The following MYT1L variants were observed in gnomAD, a reference collection of about 807,000 sequenced individuals.
The protein encoded by MYT1L is myelin transcription factor 1 like.
MYT1L carries 12 observed loss-of-function variants against 126.7 expected under a neutral mutation model. The observed-to-expected ratio is 0.09, with a 90% confidence interval of 0.06 to 0.15. MYT1L has a LOEUF of 0.15. Among genes scored for constraint, MYT1L ranks in the 10% least tolerant of loss-of-function variants. The probability of loss-of-function intolerance (pLI) is 1.00; values close to 1 mark genes in which losing one functional copy is unlikely to be tolerated. For missense variants in MYT1L, 979 were observed against 1,585.2 expected (o/e 0.62, Z 6.49); for synonymous variants, 541 against 604.2 (o/e 0.90, Z 1.53).
rs997770855 is a variant in MYT1L, at chr2:1,840,426, C to T, written c.2858+334G>A. Among the ~76,000 whole-genome samples, 21 of 152,160 alleles carry T rather than the reference C, an allele frequency of 1.4e-4. 1 individual carries two copies. Among genetic ancestry groups the T allele is most frequent in the African/African-American group, 5.1e-4 (21 of 41,440 alleles). On this transcript the variant is annotated intron_variant, in intron 20 of 24. Coordinates refer to ENST00000647738, the MANE Select transcript of MYT1L (RefSeq NM_001303052.2). The stretch of plus-strand genomic sequence containing the variant: ...CTTGTGATGTTGTATTTAGTACCTT[C>T]AGGAGCATTCACCAATCTGCCATTC...
At chr2:2,089,552 T>C (rs1178349683) in intron 3 of MYT1L, among the ~76,000 whole-genome samples, 1 of 152,176 alleles carries the variant, frequency 6.6e-6, no homozygotes, top group Non-Finnish European at 1.5e-5. Context: ...GTCATTTATA[T>C]GGGGTGTGCA....
intron 4 of MYT1L, among the ~76,000 whole-genome samples, chr2:2,049,265 G>A (rs900066112): frequency 8.5e-5 from 13 of 152,288 alleles, no homozygotes; most frequent in African/African-American, 2.9e-4. Flanking sequence ...TAGCAACCTA[G>A]CAGTTCCACA....
At chr2:2,157,043 C>T (rs749159176) in intron 3 of MYT1L, among the ~76,000 whole-genome samples, 4 of 152,118 alleles carry the variant, frequency 2.6e-5, no homozygotes, top group Admixed American at 6.6e-5. Context: ...ACAATGGGTT[C>T]GGCAAAATAA....
At chr2:2,196,409 A>G (rs2092800561) in intron 2 of MYT1L, among the ~76,000 whole-genome samples, 1 of 152,064 alleles carries the variant, frequency 6.6e-6, no homozygotes, top group Non-Finnish European at 1.5e-5. Context: ...TGTAGACATG[A>G]ACAACAAATA....
At chr2:2,311,474 A>G (rs763836737) in intron 1 of MYT1L, among the ~76,000 whole-genome samples, 37 of 152,320 alleles carry the variant, frequency 2.4e-4, no homozygotes, top group Admixed American at 1.4e-3. Context: ...AGATGGGTAT[A>G]TAAGCTGAGA....
Position 1,793,545 on chromosome 2 carries a change from C to T in MYT1L, c.3277-1081G>A, listed in dbSNP as rs2032704933. Among the ~76,000 whole-genome samples, 1 of 152,222 alleles carries T rather than the reference C, an allele frequency of 6.6e-6. No homozygotes were observed. Among genetic ancestry groups the T allele is most frequent in the South Asian group, 2.1e-4 (1 of 4,838 alleles). On this transcript the variant is annotated intron_variant, in intron 23 of 24. Coordinates refer to ENST00000647738, the MANE Select transcript of MYT1L (RefSeq NM_001303052.2). The surrounding 1 kb of genome is among the most constrained non-coding windows in gnomAD (Gnocchi z 4.6). ...TGTCGGCCCTGCCTTCTCCTATGTT[C>T]TGGCCCTCCCTTGGCTGTACTGGGT...
At chr2:1,838,279 A>G (rs2041177688) in intron 21 of MYT1L, among the ~76,000 whole-genome samples, 1 of 152,160 alleles carries the variant, frequency 6.6e-6, no homozygotes, top group South Asian at 2.1e-4. Context: ...TTCTTTAATA[A>G]TTAAAAAAAA....
chr2:1,858,368 C>T (rs867145864), intron 18 of MYT1L, among the ~76,000 whole-genome samples: 1 of 151,994 alleles, frequency 6.6e-6, no homozygotes, highest in East Asian at 1.9e-4. Flanking sequence ...CCTCTGCATC[C>T]GACTGCTCCA....
chr2:2,288,721 A>G (rs2149447481), intron 1 of MYT1L, among the ~76,000 whole-genome samples: 1 of 152,338 alleles, frequency 6.6e-6, no homozygotes, highest in East Asian at 1.9e-4. Context: ...TTATATTTAT[A>G]TTAGACAGTG....
intron 3 of MYT1L, among the ~76,000 whole-genome samples, chr2:2,071,220 G>A (rs1009347823): frequency 1.3e-5 from 2 of 152,162 alleles, no homozygotes; most frequent in Non-Finnish European, 1.5e-5. Context: ...TTAAAGAAAT[G>A]TAGTTCTATT....
chr2:1,793,052 C>A lies in MYT1L; in HGVS notation c.3277-588G>T, dbSNP rs931748818. 2.0e-5 allele frequency among the ~76,000 whole-genome samples: 3 copies of A among 152,004 alleles called. No individual in the cohort carries two copies. Among genetic ancestry groups the A allele is most frequent in the Non-Finnish European group, 4.4e-5 (3 of 68,016 alleles). On this transcript the variant is annotated intron_variant, in intron 23 of 24. Transcript: ENST00000647738. The surrounding 1 kb of genome is among the most constrained non-coding windows in gnomAD (Gnocchi z 4.6). ...ACTGCAGTGTGTAGGGGGCTTGATG[C>A]GAATACTTCTCCTTTCTAGCCTGAA...
At chr2:2,060,559 T>C (rs2070275896) in intron 3 of MYT1L, among the ~76,000 whole-genome samples, 1 of 152,194 alleles carries the variant, frequency 6.6e-6, no homozygotes, top group East Asian at 1.9e-4. Flanking sequence ...AAAGTAGGCA[T>C]AAAATGACAT....
At chr2:2,323,966 C>G (rs2096210799) in intron 1 of MYT1L, 1 of 152,188 alleles carries the variant, frequency 6.6e-6, no homozygotes, top group Non-Finnish European at 1.5e-5. Context: ...TGAATAATGG[C>G]TGCTGTAAGT....
At chr2:2,132,521 C>T (rs1242976799) in intron 3 of MYT1L, among the ~76,000 whole-genome samples, 4 of 118,484 alleles carry the variant, frequency 3.4e-5, no homozygotes. Flanking sequence ...GGGAGTTGAA[C>T]AATGAGAACA....
chr2:2,177,174 T>C (rs1464146238), intron 2 of MYT1L, among the ~76,000 whole-genome samples: 3 of 152,174 alleles, frequency 2.0e-5, no homozygotes, highest in Admixed American at 6.5e-5. Context: ...AACAACCTTG[T>C]TGTGTCGGGA....
chr2:2,255,081 C>A (rs977527393), intron 2 of MYT1L, among the ~76,000 whole-genome samples: 1 of 151,910 alleles, frequency 6.6e-6, no homozygotes, highest in Non-Finnish European at 1.5e-5. Flanking sequence ...TAAAAATAGG[C>A]CAAAGGGAAG....
chr2:1,847,188 C>T (rs995028223), intron 19 of MYT1L, among the ~76,000 whole-genome samples: 11 of 152,146 alleles, frequency 7.2e-5, no homozygotes, highest in Admixed American at 6.5e-5. Flanking sequence ...ATCTCTGTGC[C>T]CGCGCATCTT....
chr2:1,983,569 C>T (rs944536965), intron 5 of MYT1L, among the ~76,000 whole-genome samples: 8 of 152,230 alleles, frequency 5.3e-5, no homozygotes, highest in African/African-American at 1.9e-4. Context: ...CACTCTCACA[C>T]TTTGTTTCTT....
chr2:2,164,159 G>C (rs942983356), intron 3 of MYT1L, among the ~76,000 whole-genome samples: 2 of 152,146 alleles, frequency 1.3e-5, no homozygotes, highest in African/African-American at 4.8e-5. Context: ...ATGCAGTAAA[G>C]CTGTTGGAGT....
Sources: gnomAD v4.1 joint callset for allele counts (sites outside exome capture counted in the v4.1 genomes callset) on GRCh38, gnomAD v4.1.1 for gene constraint, Gnocchi (gnomAD v3.1) non-coding constraint, MANE v1.5 for transcripts, NCBI Gene and HGNC (gene_info 2026-07-23, HGNC 2026-07-21) for gene names.